The following PLA2G5 variants were observed in gnomAD, a reference collection of about 807,000 sequenced individuals.
PLA2G5 encodes the protein phospholipase A2 group V.
A neutral mutation model predicts 15.9 loss-of-function variants in PLA2G5; 12 were observed. The observed-to-expected ratio is 0.76, with a 90% confidence interval of 0.48 to 1.23. PLA2G5 has a LOEUF of 1.23. Among genes scored for constraint, PLA2G5 ranks in the 50% most tolerant of loss-of-function variants. The probability of loss-of-function intolerance (pLI) is 0.00; values close to 1 mark genes in which losing one functional copy is unlikely to be tolerated. For synonymous variants in PLA2G5, 71 were observed against 71.4 expected (o/e 0.99, Z 0.03); for missense variants, 169 against 177.1 (o/e 0.95, Z 0.26).
At chr1:20,047,532 C>T (rs2013971429) in intron 1 of PLA2G5, among the ~76,000 whole-genome samples, 1 of 152,090 alleles carries the variant, frequency 6.6e-6, no homozygotes, top group Non-Finnish European at 1.5e-5. Context: ...TAAGGTCAAC[C>T]TGCAAAGTAT....
At chr1:20,047,036 A>C (rs575313218) in intron 1 of PLA2G5, among the ~76,000 whole-genome samples, 1 of 152,320 alleles carries the variant, frequency 6.6e-6, no homozygotes, top group Non-Finnish European at 1.5e-5. Flanking sequence ...CCCAGCCAAA[A>C]GGTGCCCCTG....
chr1:20,089,167 AGTT>A (rs11573282), intron 3 of PLA2G5, among the ~76,000 whole-genome samples: 1,760 of 152,276 alleles, frequency 0.012, 36 homozygotes, highest in African/African-American at 0.04. Flanking sequence ...GTGCTATGGA[AGTT>A]GTTGTTGTAT....
intron 1 of PLA2G5, chr1:20,070,783 T>C (rs1008948961): frequency 6.6e-6 from 1 of 152,266 alleles, no homozygotes; most frequent in African/African-American, 2.4e-5. Flanking sequence ...GTGTTTACGT[T>C]AATCTGAGGC....
Position 20,045,275 on chromosome 1 carries a change from GAC to G in PLA2G5, n.277-14354_277-14353del, listed in dbSNP as rs1241835495. 2.0e-5 allele frequency among the ~76,000 whole-genome samples: 3 copies of G among 152,298 alleles called. No individual in the cohort carries two copies. In the South Asian group the frequency reaches 6.2e-4, roughly 32 times the overall value. ...CAAGCCAGAGAAAAGAGAGGGTAGA[GAC>G]ACGGAGAGAAGTGGTTGGTGGTGGT... On this transcript the variant is annotated intron_variant and non_coding_transcript_variant, in intron 1 of 6. Coordinates refer to the PLA2G5 transcript ENST00000460175.
At chr1:20,031,371 G>A (rs1307777203) in intron 1 of PLA2G5, among the ~76,000 whole-genome samples, 5 of 152,270 alleles carry the variant, frequency 3.3e-5, no homozygotes, top group South Asian at 2.1e-4. Flanking sequence ...GCCAGAGGCT[G>A]GGGGTGGAGA....
At chr1:20,059,213 G>T (rs1390618921) in intron 1 of PLA2G5, among the ~76,000 whole-genome samples, 1 of 151,520 alleles carries the variant, frequency 6.6e-6, no homozygotes, top group African/African-American at 2.4e-5. Context: ...CAGGAGGATC[G>T]CTTGAGCTCA....
chr1:20,034,878 G>A (rs974027349), intron 1 of PLA2G5, among the ~76,000 whole-genome samples: 3 of 151,856 alleles, frequency 2.0e-5, no homozygotes, highest in African/African-American at 7.3e-5. Flanking sequence ...ATTTTCTGGT[G>A]AATTGGAAGA....
intron 1 of PLA2G5, among the ~76,000 whole-genome samples, chr1:20,080,489 G>C (rs2015947645): frequency 6.6e-6 from 1 of 152,180 alleles, no homozygotes; most frequent in South Asian, 2.1e-4. Flanking sequence ...GGTTGAGGCA[G>C]GACAATTGTT....
At chr1:20,045,659 T>A (rs1426555577) in intron 1 of PLA2G5, among the ~76,000 whole-genome samples, 1 of 152,172 alleles carries the variant, frequency 6.6e-6, no homozygotes, top group African/African-American at 2.4e-5. Flanking sequence ...ATGTGAGAAG[T>A]TCCTTGGGCT....
In PLA2G5 at chr1:20,091,355, A is replaced by T. The variant is rs1330737476; in HGVS notation, c.*663A>T. ...TTTCTTACACCTTGGGGTCCTCTCCAGTATTGGGTCTCATTCTTCCTCGAT... is the reference window on the plus strand; with the variant it reads ...TTTCTTACACCTTGGGGTCCTCTCCTGTATTGGGTCTCATTCTTCCTCGAT... On this transcript the variant is annotated 3_prime_UTR_variant, in exon 5 of 5. Transcript: ENST00000375108. Among the ~76,000 whole-genome samples, 1 of 152,132 alleles carries T rather than the reference A, an allele frequency of 6.6e-6. No homozygotes were observed. The highest frequency in any genetic ancestry group is 2.4e-5 in the African/African-American group (1 of 41,418).
chr1:20,062,855 C>T (rs181998714), intron 2 of PLA2G5, among the ~76,000 whole-genome samples: 1 of 152,258 alleles, frequency 6.6e-6, no homozygotes, highest in African/African-American at 2.4e-5. Context: ...AGTTCTAGGC[C>T]TGGCCTTCGA....
chr1:20,049,610 G>A (rs188014286), intron 1 of PLA2G5, among the ~76,000 whole-genome samples: 42 of 152,194 alleles, frequency 2.8e-4, no homozygotes, highest in African/African-American at 9.6e-4. Context: ...AAACCTGATG[G>A]TTTTATAAAG....
chr1:20,064,582 G>GA lies in PLA2G5; in HGVS notation n.338-4277dup, dbSNP rs542726449. Reference sequence around the variant, plus strand: ...AGAGCGAGACTCCATCTCAAAAAAGGAAAAAAAAAAAAAAGGAAACAGAAT... The same window carrying GA: ...AGAGCGAGACTCCATCTCAAAAAAGGAAAAAAAAAAAAAAAGGAAACAGAAT... On this transcript the variant is annotated intron_variant and non_coding_transcript_variant, in intron 2 of 6. Coordinates refer to the PLA2G5 transcript ENST00000460175. 8.9e-3 allele frequency among the ~76,000 whole-genome samples: 1,104 copies of GA among 124,626 alleles called. 14 individuals are homozygous for GA. The highest frequency in any genetic ancestry group is 0.023 in the African/African-American group (772 of 33,826). 81.8% of individuals were successfully genotyped at this position (124,626 alleles called of 152,430 possible).
chr1:20,075,936 A>G (rs2015647068), intron 1 of PLA2G5, among the ~76,000 whole-genome samples: 1 of 147,640 alleles, frequency 6.8e-6, no homozygotes, highest in East Asian at 2.0e-4. Flanking sequence ...CAGTGGCGCA[A>G]CCTCGGCTCA....
intron 3 of PLA2G5, among the ~76,000 whole-genome samples, chr1:20,087,193 G>A (rs1211225741): frequency 6.6e-6 from 1 of 152,192 alleles, no homozygotes; most frequent in East Asian, 1.9e-4. Context: ...TAAGATGTAA[G>A]TAATAGGAGA....
Position 20,036,671 on chromosome 1 carries a change from C to CT in PLA2G5, n.276+7970dup, listed in dbSNP as rs1382530135. Among the ~76,000 whole-genome samples, 88 of 151,732 alleles carry CT rather than the reference C, an allele frequency of 5.8e-4. 2 individuals are homozygous for CT. The East Asian group carries it at 0.015, about 25-fold the overall frequency. ...CCTGTATTATTTTTTAAATTTCTTTCTTTTTTTTGTTTGAGACAGAGTTTG... is the reference window on the plus strand; with the variant it reads ...CCTGTATTATTTTTTAAATTTCTTTCTTTTTTTTTGTTTGAGACAGAGTTTG... On this transcript the variant is annotated intron_variant and non_coding_transcript_variant, in intron 1 of 6. Coordinates refer to the PLA2G5 transcript ENST00000460175.
intron 1 of PLA2G5, among the ~76,000 whole-genome samples, chr1:20,082,689 A>G (rs1053502149): frequency 2.0e-5 from 3 of 151,936 alleles, no homozygotes; most frequent in African/African-American, 7.3e-5. Flanking sequence ...TGGTCTGTAT[A>G]TGAAAGGCAT....
intron 2 of PLA2G5, chr1:20,063,464 G>A (rs991907671): frequency 6.6e-6 from 1 of 152,198 alleles, no homozygotes; most frequent in Non-Finnish European, 1.5e-5. Flanking sequence ...ACATCCTGGA[G>A]TTGTTTCTGA....
At chr1:20,079,586 C>G (rs1037012143) in intron 1 of PLA2G5, among the ~76,000 whole-genome samples, 1 of 152,216 alleles carries the variant, frequency 6.6e-6, no homozygotes, top group African/African-American at 2.4e-5. Flanking sequence ...TCACAGTTCA[C>G]TGTAACCTGG....
Sources: allele counts gnomAD v4.1 joint callset (sites outside exome capture counted in the v4.1 genomes callset), GRCh38; gene constraint gnomAD v4.1.1; transcripts MANE v1.5; gene names NCBI Gene and HGNC (gene_info 2026-07-23, HGNC 2026-07-21).